Variants in FXR1 observed in about 807,000 individuals in gnomAD.
FXR1 encodes the protein FMR1 autosomal homolog 1, also known as RNA-binding protein FXR1.
FXR1 carries 15 observed loss-of-function variants against 84.0 expected under a neutral mutation model. That is an observed-to-expected ratio of 0.18 (90% CI 0.12 to 0.27). The LOEUF is 0.27. FXR1 is among the 10% of genes least tolerant of loss of function. The probability of loss-of-function intolerance (pLI) is 1.00; values close to 1 mark genes in which losing one functional copy is unlikely to be tolerated. For synonymous variants in FXR1, 245 were observed against 250.7 expected (o/e 0.98, Z 0.21); for missense variants, 480 against 774.4 (o/e 0.62, Z 4.51).
intron 1 of FXR1, chr3:180,927,666 TA>T (rs745333576): frequency 2.1e-3 from 1,110 of 517,134 alleles, no homozygotes; most frequent in South Asian, 6.3e-3. Context: ...AGCACCCGTC[TA>T]AAAAAAAATG....
At position 180,978,141 on chromosome 3, in the gene FXR1, TAGA is replaced by T. The variant is rs1195459041; in HGVS notation, c.*1854_*1856del. ...AATTGGGTTAAAAATTATAAGGTAT[TAGA>T]AGAATTTTAATTAATGCCAAATTGG... On this transcript the variant is annotated 3_prime_UTR_variant, in exon 17 of 17. Transcript: ENST00000357559. 2.0e-5 allele frequency: 3 copies of T among 150,824 alleles called. No homozygotes were observed. Among genetic ancestry groups the T allele is most frequent in the East Asian group, 1.9e-4 (1 of 5,130 alleles). 9.3% of individuals were successfully genotyped at this position (150,824 alleles called of 1,614,324 possible). A position where few individuals can be genotyped will look rare whatever the true frequency, so the allele number is the denominator to read the frequency against.
At chr3:180,938,744 C>T (rs1194575857) in intron 3 of FXR1, among the ~76,000 whole-genome samples, 1 of 152,070 alleles carries the variant, frequency 6.6e-6, no homozygotes, top group African/African-American at 2.4e-5. Flanking sequence ...GACGGGGTTT[C>T]TCCATGTTGG....
intron 2 of FXR1, among the ~76,000 whole-genome samples, chr3:180,934,320 A>G (rs1172227048): frequency 6.6e-6 from 1 of 152,232 alleles, no homozygotes; most frequent in Admixed American, 6.5e-5. Flanking sequence ...GTCAGCTGCT[A>G]CTTTGCCCAG....
chr3:180,924,051 C>G (rs763815352), intron 1 of FXR1, among the ~76,000 whole-genome samples: 14 of 152,054 alleles, frequency 9.2e-5, no homozygotes, highest in African/African-American at 3.1e-4. Context: ...CTCTGCCTCT[C>G]GGGTTCAAGT....
At chr3:180,926,365 G>A (rs1805588) in intron 1 of FXR1, among the ~76,000 whole-genome samples, 18 of 151,500 alleles carry the variant, frequency 1.2e-4, no homozygotes, top group Non-Finnish European at 2.4e-4. Context: ...TTCCTGACAG[G>A]TCTCCTGCTT....
intron 3 of FXR1, among the ~76,000 whole-genome samples, chr3:180,941,988 G>A (rs1721175131): frequency 6.6e-6 from 1 of 152,032 alleles, no homozygotes; most frequent in Admixed American, 6.6e-5. Flanking sequence ...GTAAATAATA[G>A]GAAAATTTCT....
rs1714551773 is a variant in FXR1 at position 180,980,373 on chromosome 3, A to G, written c.*4081A>G. On this transcript the variant is annotated 3_prime_UTR_variant, in exon 17 of 17. Coordinates refer to ENST00000357559, the MANE Select transcript of FXR1 (RefSeq NM_005087.4). ...TCTTGAATTTCTTTGTATTTCAGTG[A>G]TTGGGATGTTCTTTTTTTTTGGGAA... 1 of 151,862 alleles carries G rather than the reference A, an allele frequency of 6.6e-6. No individual in the cohort carries two copies. The highest frequency in any genetic ancestry group is 1.5e-5 in the Non-Finnish European group (1 of 67,872). The allele number at this position is 151,862 out of a possible 1,614,324, so 9.4% of individuals were successfully genotyped here. A position where few individuals can be genotyped will look rare whatever the true frequency, so the allele number is the denominator to read the frequency against.
At chr3:180,915,323 C>T in intron 1 of FXR1, 2 of 538,996 alleles carry the variant, frequency 3.7e-6, no homozygotes, top group South Asian at 2.7e-5. Context: ...CCCAAATTTC[C>T]GTCATGCCCT....
chr3:180,958,763 C>A (rs1560011454), intron 10 of FXR1, among the ~76,000 whole-genome samples: 2 of 151,346 alleles, frequency 1.3e-5, no homozygotes, highest in Non-Finnish European at 2.9e-5. Flanking sequence ...AATTGAAATC[C>A]CCTTACACTT....
intron 3 of FXR1, among the ~76,000 whole-genome samples, chr3:180,942,694 A>G (rs1721266013): frequency 6.6e-6 from 1 of 152,274 alleles, no homozygotes; most frequent in East Asian, 1.9e-4. Flanking sequence ...GGATTTTAGT[A>G]TGTTAGAGCA....
chr3:180,943,977 C>T (rs557763271), intron 3 of FXR1, among the ~76,000 whole-genome samples: 201 of 151,952 alleles, frequency 1.3e-3, no homozygotes, highest in African/African-American at 4.6e-3. Flanking sequence ...AGGGCAATGG[C>T]GCGATCTCAG....
In FXR1 at chr3:180,948,834, TA is replaced by T; in HGVS notation, c.513+22del. Reference sequence around the variant, plus strand: ...ATACTGGTAAGATAGTACCATATTATAAGGTAGCTTATTAATGGATATTGCA... The same window carrying T: ...ATACTGGTAAGATAGTACCATATTATAGGTAGCTTATTAATGGATATTGCA... On this transcript the variant is annotated intron_variant, in intron 6 of 16. Coordinates refer to ENST00000357559, the MANE Select transcript of FXR1 (RefSeq NM_005087.4). The T allele has an allele frequency of 9.6e-7, 1 of 1,038,182 alleles. No individual in the cohort carries two copies. The highest frequency in any genetic ancestry group is 1.5e-6 in the Non-Finnish European group (1 of 662,728). The allele number at this position is 1,038,182 out of a possible 1,614,324, so 64.3% of individuals were successfully genotyped here.
intron 15 of FXR1, among the ~76,000 whole-genome samples, chr3:180,973,733 G>T (rs1713872961): frequency 6.6e-6 from 1 of 152,148 alleles, no homozygotes; most frequent in Non-Finnish European, 1.5e-5. Context: ...ATCTTTAGTG[G>T]TTTTCTAGTA....
intron 10 of FXR1, among the ~76,000 whole-genome samples, chr3:180,959,960 A>G (rs1218906882): frequency 6.6e-6 from 1 of 152,216 alleles, no homozygotes; most frequent in African/African-American, 2.4e-5. Flanking sequence ...TTTAGAACAA[A>G]AAAATCCCTA....
chr3:180,959,536 T>A (rs929375241), intron 10 of FXR1, among the ~76,000 whole-genome samples: 5 of 152,186 alleles, frequency 3.3e-5, no homozygotes, highest in Non-Finnish European at 5.9e-5. Context: ...CTGGTAATAC[T>A]ATTTCTTAGT....
chr3:180,937,874 AT>A (rs1185043015), intron 3 of FXR1, among the ~76,000 whole-genome samples: 1 of 152,168 alleles, frequency 6.6e-6, no homozygotes, highest in Admixed American at 6.5e-5. Flanking sequence ...TTCCATCTTA[AT>A]GTAGGTGTAC....
chr3:180,949,230 G>T lies in FXR1; in HGVS notation c.517G>T (p.Ala173Ser), dbSNP rs143250917. 3.0e-5 allele frequency: 45 copies of T among 1,516,456 alleles called. No individual in the cohort carries two copies. The highest frequency in any genetic ancestry group is 1.7e-4 in the Middle Eastern group (1 of 5,906). 93.9% of individuals were successfully genotyped at this position (1,516,456 alleles called of 1,614,324 possible). Reference protein sequence around the residue: ...PETTQLMILSASEATVKRVNI... With the variant: ...PETTQLMILSSSEATVKRVNI... Reference sequence around the variant, plus strand: ...TAATTAGCTTGTTTGTTTATAGTCTGCCAGTGAAGCAACTGTGAAGAGAGT... The same window carrying T: ...TAATTAGCTTGTTTGTTTATAGTCTTCCAGTGAAGCAACTGTGAAGAGAGT... The change falls in exon 7 of 17, where the codon GCC becomes TCC. Residue 173 changes from alanine to serine, a missense_variant. By Grantham distance (99) the Ala-to-Ser change is moderately conservative (BLOSUM62 1). Coordinates refer to ENST00000357559, the MANE Select transcript of FXR1 (RefSeq NM_005087.4).
chr3:180,971,528 T>C (rs1713583816), intron 15 of FXR1: 1 of 152,640 alleles, frequency 6.6e-6, no homozygotes, highest in South Asian at 2.1e-4. Flanking sequence ...TTTTGCATGG[T>C]GCCTGCTTAC....
At chr3:180,924,518 T>TTC (rs1268302315) in intron 1 of FXR1, among the ~76,000 whole-genome samples, 1 of 152,214 alleles carries the variant, frequency 6.6e-6, no homozygotes, top group Non-Finnish European at 1.5e-5. Flanking sequence ...ACAGATGAGA[T>TTC]TCTGACTGTG....
Sources: allele counts gnomAD v4.1 joint callset (sites outside exome capture counted in the v4.1 genomes callset), GRCh38; gene constraint gnomAD v4.1.1; transcripts MANE v1.5; gene names NCBI Gene and HGNC (gene_info 2026-07-23, HGNC 2026-07-21).